The following CCNI variants were observed in gnomAD, a reference collection of about 807,000 sequenced individuals.
CCNI encodes cyclin I, also known as cyclin-I.
Under a neutral mutation model 34.1 loss-of-function variants are expected in CCNI, and 14 were observed. That is an observed-to-expected ratio of 0.41 (90% CI 0.27 to 0.64). The LOEUF is 0.64. Ranked by LOEUF, CCNI falls within the 30% of genes least tolerant of loss-of-function variation. CCNI has a pLI of 0.31. For synonymous variants in CCNI, 154 were observed against 158.4 expected (o/e 0.97, Z 0.21); for missense variants, 385 against 440.5 (o/e 0.87, Z 1.13).
Position 77,048,431 on chromosome 4 carries a change from G to A in CCNI, c.922C>T (p.His308Tyr), listed in dbSNP as rs1199166440. 6.2e-7 allele frequency: 1 copy of A among 1,614,038 alleles called. No homozygotes were observed. Among genetic ancestry groups the A allele is most frequent in the Non-Finnish European group, 8.5e-7 (1 of 1,179,990 alleles). Residue 308 changes from histidine to tyrosine, a missense_variant, in exon 7 of 7, where the codon CAT becomes TAT. By Grantham distance (83) the His-to-Tyr change is moderately conservative. Transcript: ENST00000237654. ...CACCCACTGGCAGCTGGGAGATGAT[G>A]GTAAAAGGCTGCTGTACCTCTGACT... ...VPVRGTAAFYHHLPAASGCKQ... is the reference protein window; with the variant it reads ...VPVRGTAAFYYHLPAASGCKQ...
chr4:77,058,678 TATC>T, intron 2 of CCNI, 43 bp from the exon 3 acceptor site: 2 of 1,574,094 alleles, frequency 1.3e-6, no homozygotes, highest in Non-Finnish European at 1.7e-6. Context: ...AAGTTTGAGC[TATC>T]ATCAAGAGTA....
intron 2 of CCNI, among the ~76,000 whole-genome samples, chr4:77,064,059 T>C (rs1009821757): frequency 2.6e-5 from 4 of 151,956 alleles, no homozygotes; most frequent in African/African-American, 9.7e-5. Flanking sequence ...TCGGCCAACA[T>C]GGTGAAACCC....
In CCNI at chr4:77,056,557, C is replaced by T. The variant is rs138861603; in HGVS notation, c.244-234G>A. ...CAGTAATGAAAGGAAGGAAAGTACA[C>T]TTGCAAGATCAAGTGTGTCTAGAGC... On this transcript the variant is annotated intron_variant, in intron 3 of 6. Transcript: ENST00000237654. The T allele has an allele frequency of 3.8e-4, 173 of 452,206 alleles. 1 individual carries two copies. In the East Asian group the frequency reaches 5.9e-3, roughly 16 times the overall value. 28.0% of individuals were successfully genotyped at this position (452,206 alleles called of 1,614,324 possible).
rs765312676 is a variant in CCNI, at chr4:77,048,281, A to C, written c.1072T>G (p.Leu358Val). Reference sequence around the variant, plus strand: ...GAAGCATGTCCCTCTTGTCTTGATAAATCAGTGCCACACACAGAACCCACA... The same window carrying C: ...GAAGCATGTCCCTCTTGTCTTGATACATCAGTGCCACACACAGAACCCACA... ...ENVGSVCGTD[L>V]SRQEGHASPC... Residue 358 changes from leucine (L) to valine (V), a missense_variant, in exon 7 of 7, where the codon TTA becomes GTA. Physicochemically the swap from Leu to Val is conservative, Grantham distance 32. Transcript: ENST00000237654. 6.2e-7 allele frequency: 1 copy of C among 1,614,094 alleles called. No homozygotes were observed.
chr4:77,075,466 C>G lies in CCNI; in HGVS notation c.-44+6G>C. The G allele has an allele frequency of 1.1e-6, 1 of 870,422 alleles. No individual in the cohort carries two copies. Among genetic ancestry groups the G allele is most frequent in the Non-Finnish European group, 1.4e-6 (1 of 725,106 alleles). 53.9% of individuals were successfully genotyped at this position (870,422 alleles called of 1,614,324 possible). ...TCGAGCCCCCGCCCCCGCCCCCGCC[C>G]CTCACCTTCTCCTCCTCTTCCTCCT... On this transcript the variant is annotated splice_donor_region_variant and intron_variant, in intron 1 of 6. Coordinates refer to ENST00000237654, the MANE Select transcript of CCNI (RefSeq NM_006835.3).
chr4:77,048,695 T>G, intron 6 of CCNI, 33 bp from the exon 7 acceptor site: 1 of 1,470,880 alleles, frequency 6.8e-7, no homozygotes, highest in African/African-American at 1.4e-5. Flanking sequence ...CCACACACAG[T>G]TGATCATTAA....
At position 77,056,111 on chromosome 4, in the gene CCNI, A is replaced by G. The variant is rs1728205801; in HGVS notation, c.319-9T>C. The G allele has an allele frequency of 6.2e-7, 1 of 1,612,284 alleles. No individual in the cohort carries two copies. Among genetic ancestry groups the G allele is most frequent in the East Asian group, 2.2e-5 (1 of 44,822 alleles). On this transcript the variant is annotated splice_polypyrimidine_tract_variant and intron_variant, in intron 4 of 6. Coordinates refer to ENST00000237654, the MANE Select transcript of CCNI (RefSeq NM_006835.3). ...TTTAGTACTGGAATTCTCTATCCAA[A>G]GCAAAGGGGAACAGGGACAGGGAGA...
At chr4:77,058,400 A>T (rs1036536456) in intron 3 of CCNI, 107 bp downstream of exon 3, 39 of 769,368 alleles carry the variant, frequency 5.1e-5, no homozygotes, top group Non-Finnish European at 7.2e-5. Context: ...ATTCTCCAGC[A>T]AAGTTCTCCA....
Position 77,075,479 on chromosome 4 carries a change from T to A in CCNI, c.-51A>T. 9 of 675,340 alleles carry A rather than the reference T, an allele frequency of 1.3e-5. No individual in the cohort carries two copies. The highest frequency in any genetic ancestry group is 1.6e-5 in the Non-Finnish European group (9 of 545,680). 41.8% of individuals were successfully genotyped at this position (675,340 alleles called of 1,614,324 possible). ...CCCGCCCCCGCCCCTCACCTTCTCC[T>A]CCTCTTCCTCCTCCTCCTCCTCCCC... On this transcript the variant is annotated 5_prime_UTR_variant, in exon 1 of 7. Coordinates refer to ENST00000237654, the MANE Select transcript of CCNI (RefSeq NM_006835.3).
At chr4:77,054,882 C>T (rs180995816) in intron 6 of CCNI, among the ~76,000 whole-genome samples, 2 of 151,916 alleles carry the variant, frequency 1.3e-5, no homozygotes, top group East Asian at 3.9e-4. Flanking sequence ...AACTAAAGGA[C>T]AATATGGTAT....
At chr4:77,075,361 G>T (rs1361699548) in intron 1 of CCNI, 111 bp downstream of exon 1, 4 of 243,366 alleles carry the variant, frequency 1.6e-5, no homozygotes, top group Non-Finnish European at 2.6e-5. Flanking sequence ...CGAGCAGCGC[G>T]CGGCCAAGGG....
intron 1 of CCNI, among the ~76,000 whole-genome samples, chr4:77,066,816 A>C (rs974512804): frequency 1.3e-5 from 2 of 152,236 alleles, no homozygotes; most frequent in African/African-American, 2.4e-5. Context: ...ATTACATTAA[A>C]TCCTACCCAT....
At chr4:77,065,676 T>G (rs1383155806) in intron 2 of CCNI, among the ~76,000 whole-genome samples, 3 of 152,184 alleles carry the variant, frequency 2.0e-5, no homozygotes, top group Admixed American at 6.5e-5. Context: ...TAGTATAGAT[T>G]ATGATGAAAG....
At position 77,048,603 on chromosome 4, in the gene CCNI, C is replaced by T. The variant is rs1727611236; in HGVS notation, c.750G>A (p.Leu250=). ...RELVAHHLST[L]QSSLPLNSVY... Reference sequence around the variant, plus strand: ...CGGAATTCAGAGGCAGGGAAGACTGCAGAGTAGAAAGGTGATGTGCCACAA... The same window carrying T: ...CGGAATTCAGAGGCAGGGAAGACTGTAGAGTAGAAAGGTGATGTGCCACAA... Residue 250 remains leucine (L), a synonymous_variant, in exon 7 of 7, where the codon CTG becomes CTA. Coordinates refer to ENST00000237654, the MANE Select transcript of CCNI (RefSeq NM_006835.3). 1.9e-6 allele frequency: 3 copies of T among 1,599,262 alleles called. No individual in the cohort carries two copies. The highest frequency in any genetic ancestry group is 2.7e-5 in the African/African-American group (2 of 74,598).
At chr4:77,072,327 A>T (rs1214149371) in intron 1 of CCNI, among the ~76,000 whole-genome samples, 1 of 151,880 alleles carries the variant, frequency 6.6e-6, no homozygotes, top group Non-Finnish European at 1.5e-5. Flanking sequence ...TTTTAAAAAC[A>T]GGACAGAAGG....
At chr4:77,061,340 GA>G (rs895264927) in intron 2 of CCNI, among the ~76,000 whole-genome samples, 1 of 152,042 alleles carries the variant, frequency 6.6e-6, no homozygotes, top group Non-Finnish European at 1.5e-5. Context: ...GAATGAGAGA[GA>G]AAAAGAAAAA....
Position 77,048,544 on chromosome 4 carries a change from A to C in CCNI, c.809T>G (p.Val270Gly). 1 of 1,613,794 alleles carries C rather than the reference A, an allele frequency of 6.2e-7. No individual in the cohort carries two copies. Among genetic ancestry groups the C allele is most frequent in the Non-Finnish European group, 8.5e-7 (1 of 1,179,780 alleles). ...YVYRPLKHTL[V>G]TCDKGVFRLH... Reference sequence around the variant, plus strand: ...TCTGAACACTCCTTTGTCACAGGTCACCAGGGTGTGCTTGAGGGGACGGTA... The same window carrying C: ...TCTGAACACTCCTTTGTCACAGGTCCCCAGGGTGTGCTTGAGGGGACGGTA... The change falls in exon 7 of 7, where the codon GTG becomes GGG. Residue 270 changes from valine to glycine, a missense_variant. Physicochemically the swap from Val to Gly is moderately radical, Grantham distance 109 (BLOSUM62 -3). Transcript: ENST00000237654.
intron 6 of CCNI, 49 bp downstream of exon 6, chr4:77,055,101 A>G (rs767435937): frequency 4.0e-6 from 5 of 1,261,908 alleles, no homozygotes; most frequent in Admixed American, 1.8e-5. Flanking sequence ...ATGTATTCCA[A>G]TAATAGAAAA....
At chr4:77,056,216 C>A in intron 4 of CCNI, 33 bp downstream of exon 4, 1 of 1,597,068 alleles carries the variant, frequency 6.3e-7, no homozygotes, top group South Asian at 1.1e-5. Flanking sequence ...GAAATTTTCA[C>A]GGAAGAAACA....
Sources: gnomAD v4.1 joint callset for allele counts (sites outside exome capture counted in the v4.1 genomes callset) on GRCh38, gnomAD v4.1.1 for gene constraint, MANE v1.5 for transcripts, NCBI Gene and HGNC (gene_info 2026-07-23, HGNC 2026-07-21) for gene names.